Variants in PPIH observed in about 807,000 individuals in gnomAD.
PPIH encodes the protein peptidyl-prolyl cis-trans isomerase H.
A neutral mutation model predicts 27.6 loss-of-function variants in PPIH; 16 were observed. The ratio of observed to expected loss-of-function variants is 0.58; its 90% CI spans 0.39 to 0.88. The LOEUF is 0.88. PPIH is among the 40% of genes least tolerant of loss of function. The pLI is 0.00. For synonymous variants in PPIH, 63 were observed against 76.1 expected (o/e 0.83, Z 0.90); for missense variants, 155 against 224.1 (o/e 0.69, Z 1.97).
chr1:42,679,570 CTTTTTAAAGTAACATTGA>C (rs2148731857), downstream of PPIH, among the ~76,000 whole-genome samples: 1 of 152,328 alleles, frequency 6.6e-6, no homozygotes, highest in Non-Finnish European at 1.5e-5. Context: ...AGTAATGATA[CTTTTTAAAGTAACATTGA>C]AAAGACAGAT....
intron 4 of PPIH, 73 bp downstream of exon 4, chr1:42,659,639 A>G (rs1648892754): frequency 1.6e-5 from 24 of 1,545,614 alleles, no homozygotes; most frequent in Non-Finnish European, 2.1e-5. Context: ...TTAGAGGAAA[A>G]TAAAACCAGA....
chr1:42,659,500 G>C (rs1648881835), intron 3 of PPIH, 22 bp from the exon 4 acceptor site: 1 of 1,614,210 alleles, frequency 6.2e-7, no homozygotes, highest in African/African-American at 1.3e-5. Flanking sequence ...GTCACTCCAA[G>C]TCTCTTTCTT....
chr1:42,678,399 G>T (rs1049861667), downstream of PPIH, among the ~76,000 whole-genome samples: 2 of 152,016 alleles, frequency 1.3e-5, no homozygotes, highest in Non-Finnish European at 2.9e-5. Flanking sequence ...GGATATTTGG[G>T]TTTTTTGTTT....
Position 42,666,082 on chromosome 1 carries a change from T to G in PPIH, c.424+15T>G. 6.2e-7 allele frequency: 1 copy of G among 1,611,192 alleles called. No homozygotes were observed. Among genetic ancestry groups the G allele is most frequent in the African/African-American group, 1.3e-5 (1 of 74,986 alleles). ...TGTGGTGTTTGGTAAGTCCTACTCC[T>G]GTCTCATGGTCCAGGCCCCATTCAC... is the stretch of plus-strand genomic sequence containing the variant. On this transcript the variant is annotated intron_variant, in intron 7 of 9. Coordinates refer to ENST00000304979, the MANE Select transcript of PPIH (RefSeq NM_006347.4).
At chr1:42,662,614 A>G (rs1015981575) in intron 5 of PPIH, among the ~76,000 whole-genome samples, 2 of 152,102 alleles carry the variant, frequency 1.3e-5, no homozygotes, top group African/African-American at 4.8e-5. Flanking sequence ...GGAATGAGCA[A>G]GAGTCAGAAA....
rs555293732 is a variant in PPIH, at chr1:42,658,500, T to G, written c.54T>G (p.Ser18Arg). 1 of 1,614,022 alleles carries G rather than the reference T, an allele frequency of 6.2e-7. No homozygotes were observed. The highest frequency in any genetic ancestry group is 2.2e-5 in the East Asian group (1 of 44,878). Residue 18 changes from serine (S) to arginine (R), a missense_variant, in exon 1 of 10, where the codon AGT becomes AGG. Ser to Arg is a moderately radical substitution (Grantham distance 110). Coordinates refer to ENST00000304979, the MANE Select transcript of PPIH (RefSeq NM_006347.4). ...PVNPVVFFDVSIGGQEVGRMK... is the reference protein window; with the variant it reads ...PVNPVVFFDVRIGGQEVGRMK... Reference sequence around the variant, plus strand: ...ACCCCGTGGTGTTCTTTGATGTCAGTATTGGCGGTCAGGTGAGATCCAGGA... The same window carrying G: ...ACCCCGTGGTGTTCTTTGATGTCAGGATTGGCGGTCAGGTGAGATCCAGGA...
intron 5 of PPIH, 74 bp from the exon 6 acceptor site, chr1:42,664,789 G>A (rs1649239682): frequency 8.6e-7 from 1 of 1,158,774 alleles, no homozygotes; most frequent in Admixed American, 2.2e-5. Context: ...TGCTTTAGGT[G>A]CGACAGTGTT....
chr1:42,670,470 C>T (rs1649568590), intron 9 of PPIH, among the ~76,000 whole-genome samples: 1 of 152,070 alleles, frequency 6.6e-6, no homozygotes, highest in African/African-American at 2.4e-5. Flanking sequence ...CATAAAGTTA[C>T]TGGAAGTCCT....
chr1:42,667,485 G>A (rs1557516366), intron 9 of PPIH, 45 bp downstream of exon 9: 5 of 1,478,698 alleles, frequency 3.4e-6, no homozygotes, highest in Non-Finnish European at 9.4e-7. Context: ...AGACCTCAGA[G>A]AAGGCAGCAT....
At chr1:42,669,095 A>G (rs189764835) in intron 9 of PPIH, among the ~76,000 whole-genome samples, 2 of 151,442 alleles carry the variant, frequency 1.3e-5, no homozygotes, top group African/African-American at 4.9e-5. Flanking sequence ...CTGTAGTCCC[A>G]GCTACTCAGG....
At chr1:42,671,445 T>C (rs1649631179) in intron 9 of PPIH, among the ~76,000 whole-genome samples, 3 of 151,904 alleles carry the variant, frequency 2.0e-5, no homozygotes, top group Admixed American at 2.0e-4. Flanking sequence ...AATAAGTAAA[T>C]AAAAAAATAA....
At chr1:42,678,985 T>G (rs1449684071), downstream of PPIH, 2 of 152,158 alleles carry the variant, frequency 1.3e-5, no homozygotes, top group Non-Finnish European at 2.9e-5. Context: ...AAGGTAAAAG[T>G]TATTTTGCAG....
At chr1:42,680,164 A>C (rs541322582), downstream of PPIH, among the ~76,000 whole-genome samples, 7 of 152,296 alleles carry the variant, frequency 4.6e-5, no homozygotes, top group Non-Finnish European at 8.8e-5. Flanking sequence ...AGAGTGTTGT[A>C]TGTAGAATTT....
At chr1:42,663,229 T>C (rs1475765671) in intron 5 of PPIH, among the ~76,000 whole-genome samples, 1 of 152,222 alleles carries the variant, frequency 6.6e-6, no homozygotes, top group Non-Finnish European at 1.5e-5. Flanking sequence ...ATTATTTATA[T>C]AGTACTATAT....
intron 9 of PPIH, among the ~76,000 whole-genome samples, chr1:42,670,692 T>A (rs1649581843): frequency 6.6e-6 from 1 of 152,182 alleles, no homozygotes; most frequent in Admixed American, 6.5e-5. Flanking sequence ...AGATTCTAGA[T>A]CTGGGAGGTC....
At chr1:42,665,654 G>A (rs1649290574) in intron 6 of PPIH, among the ~76,000 whole-genome samples, 1 of 151,686 alleles carries the variant, frequency 6.6e-6, no homozygotes, top group Non-Finnish European at 1.5e-5. Context: ...TGAACAATCT[G>A]GGCAACATAG....
chr1:42,662,476 G>A (rs899905768), intron 5 of PPIH, among the ~76,000 whole-genome samples: 2 of 151,952 alleles, frequency 1.3e-5, no homozygotes, highest in Non-Finnish European at 1.5e-5. Flanking sequence ...TTGAGCCCAG[G>A]AGGTCAATTC....
At chr1:42,665,060 C>T (rs1337385583) in intron 6 of PPIH, 105 bp downstream of exon 6, 1 of 963,316 alleles carries the variant, frequency 1.0e-6, no homozygotes, top group Non-Finnish European at 1.6e-6. Flanking sequence ...CTTTCCTTCT[C>T]TTGCTTGGCC....
intron 9 of PPIH, among the ~76,000 whole-genome samples, chr1:42,672,959 T>G (rs536991003): frequency 6.6e-6 from 1 of 152,174 alleles, no homozygotes; most frequent in South Asian, 2.1e-4. Flanking sequence ...TGTACAACTT[T>G]AGTTATAGAA....
Sources: gnomAD v4.1 joint callset for allele counts (sites outside exome capture counted in the v4.1 genomes callset) on GRCh38, gnomAD v4.1.1 for gene constraint, MANE v1.5 for transcripts, NCBI Gene and HGNC (gene_info 2026-07-23, HGNC 2026-07-21) for gene names.